The following DPY19L3 variants were observed in gnomAD, a reference collection of about 807,000 sequenced individuals.
The protein encoded by DPY19L3 is dpy-19 like C-mannosyltransferase 3, also known as protein C-mannosyl-transferase DPY19L3.
A neutral mutation model predicts 92.3 loss-of-function variants in DPY19L3; 51 were observed. That is an observed-to-expected ratio of 0.55 (90% CI 0.44 to 0.70). DPY19L3 has a LOEUF of 0.70. Ranked by LOEUF, DPY19L3 falls within the 30% of genes least tolerant of loss-of-function variation. The pLI is 0.00. For synonymous variants in DPY19L3, 309 were observed against 315.2 expected (o/e 0.98, Z 0.21); for missense variants, 706 against 855.9 (o/e 0.82, Z 2.18).
chr19:32,478,739 A>AT lies in DPY19L3; in HGVS notation c.1830+1090dup, dbSNP rs568506048. Among the ~76,000 whole-genome samples, 11 of 152,258 alleles carry AT rather than the reference A, an allele frequency of 7.2e-5. No homozygotes were observed. In the South Asian group the frequency reaches 2.3e-3, roughly 32 times the overall value. On this transcript the variant is annotated intron_variant, in intron 17 of 18. Coordinates refer to ENST00000392250, the MANE Select transcript of DPY19L3 (RefSeq NM_001172774.2). ...TCAGTATATTAACAGCTTCCTTCCTATTTTTAAAGCTGCTTAATATTTTAC... is the reference window on the plus strand; with the variant it reads ...TCAGTATATTAACAGCTTCCTTCCTATTTTTTAAAGCTGCTTAATATTTTAC...
chr19:32,465,755 C>G (rs1342070561), intron 15 of DPY19L3, among the ~76,000 whole-genome samples: 1 of 152,128 alleles, frequency 6.6e-6, no homozygotes, highest in Non-Finnish European at 1.5e-5. Flanking sequence ...AAAATGTGTT[C>G]TGTTATGAGC....
At chr19:32,408,036 G>GA (rs1968039253) in intron 1 of DPY19L3, among the ~76,000 whole-genome samples, 181 bp from the exon 2 acceptor site, 1 of 152,038 alleles carries the variant, frequency 6.6e-6, no homozygotes, top group South Asian at 2.1e-4. Flanking sequence ...AGTGAGCCGT[G>GA]ATGGTGCCGC....
Position 32,455,029 on chromosome 19 carries a change from A to G in DPY19L3, c.1078A>G (p.Asn360Asp). The G allele has an allele frequency of 6.5e-7, 1 of 1,532,316 alleles. No individual in the cohort carries two copies. Among genetic ancestry groups the G allele is most frequent in the Non-Finnish European group, 8.8e-7 (1 of 1,135,510 alleles). 94.9% of individuals were successfully genotyped at this position (1,532,316 alleles called of 1,614,324 possible). The change falls in exon 10 of 19, where the codon AAC becomes GAC. Residue 360 changes from asparagine (N) to aspartate (D), a missense_variant. Asn to Asp is a conservative substitution (Grantham distance 23). Transcript: ENST00000392250. ...MVLCLTLFLN[N>D]IIKKILNLKS... ...TTTATGTTTGACACTTTTTCTCAAC[A>G]ACATAATTAAGGTAAGTTAATAAAA...
chr19:32,408,963 C>T (rs979803661), intron 2 of DPY19L3, among the ~76,000 whole-genome samples: 4 of 152,144 alleles, frequency 2.6e-5, no homozygotes, highest in African/African-American at 9.7e-5. Context: ...TAAAAGTTAA[C>T]ATGAAAATCT....
chr19:32,467,709 G>C (rs939697003), intron 15 of DPY19L3: 101 of 987,236 alleles, frequency 1.0e-4, no homozygotes, highest in Non-Finnish European at 1.2e-4. Context: ...ATTGTCATTG[G>C]TCTTCTATGC....
At chr19:32,479,041 G>A (rs1970595699) in intron 17 of DPY19L3, among the ~76,000 whole-genome samples, 1 of 152,074 alleles carries the variant, frequency 6.6e-6, no homozygotes, top group Non-Finnish European at 1.5e-5. Context: ...ATCCTCACCA[G>A]TCAGGTTTCA....
chr19:32,448,459 A>G (rs921023750), intron 8 of DPY19L3, among the ~76,000 whole-genome samples: 1 of 152,182 alleles, frequency 6.6e-6, no homozygotes, highest in Non-Finnish European at 1.5e-5. Flanking sequence ...CAAAAACTCA[A>G]TCGCTAGTAG....
At chr19:32,422,956 G>A (rs961922181) in intron 3 of DPY19L3, among the ~76,000 whole-genome samples, 2 of 152,142 alleles carry the variant, frequency 1.3e-5, no homozygotes, top group African/African-American at 4.8e-5. Context: ...GTAAAAGAAA[G>A]TGATTTACAC....
At chr19:32,460,880 T>C (rs1970019046) in intron 12 of DPY19L3, among the ~76,000 whole-genome samples, 1 of 148,688 alleles carries the variant, frequency 6.7e-6, no homozygotes, top group Non-Finnish European at 1.5e-5. Context: ...TTGTTTTGTT[T>C]TGTTTTGAAA....
At chr19:32,463,224 C>A in intron 12 of DPY19L3, 142 bp from the exon 13 acceptor site, 1 of 888,704 alleles carries the variant, frequency 1.1e-6, no homozygotes, top group Non-Finnish European at 1.7e-6. Context: ...CAAAATTGAT[C>A]AATGCGAATT....
At chr19:32,430,431 C>T (rs1315127694) in intron 3 of DPY19L3, among the ~76,000 whole-genome samples, 1 of 151,836 alleles carries the variant, frequency 6.6e-6, no homozygotes, top group Non-Finnish European at 1.5e-5. Context: ...TTTTTAAATG[C>T]TTGATTTCCC....
At chr19:32,407,264 T>TCCCCCCCCCCCCCCCTCCC (rs148363125) in intron 1 of DPY19L3, among the ~76,000 whole-genome samples, 2 of 81,304 alleles carry the variant, frequency 2.5e-5, no homozygotes, top group Non-Finnish European at 4.9e-5. Flanking sequence ...AGGCTCCTGC[T>TCCCCCCCCCCCCCCCTCCC]CCCCCCCACC....
chr19:32,439,742 A>G, intron 7 of DPY19L3, 34 bp from the exon 8 acceptor site: 1 of 1,603,124 alleles, frequency 6.2e-7, no homozygotes, highest in Non-Finnish European at 8.5e-7. Flanking sequence ...ATTACTAGAG[A>G]CATGTAAATT....
At chr19:32,430,657 A>G (rs1195852547) in intron 3 of DPY19L3, among the ~76,000 whole-genome samples, 2 of 151,994 alleles carry the variant, frequency 1.3e-5, no homozygotes, top group South Asian at 2.1e-4. Flanking sequence ...GTCTCGCTCT[A>G]TCATCCAGGC....
chr19:32,469,275 TC>T (rs1970284653), intron 16 of DPY19L3, among the ~76,000 whole-genome samples: 1 of 152,292 alleles, frequency 6.6e-6, no homozygotes, highest in East Asian at 1.9e-4. Flanking sequence ...GGTGGGCTGA[TC>T]ACCCGAGGTC....
At chr19:32,434,382 C>T (rs1471160952) in intron 4 of DPY19L3, among the ~76,000 whole-genome samples, 3 of 152,106 alleles carry the variant, frequency 2.0e-5, no homozygotes, top group Admixed American at 6.5e-5. Flanking sequence ...TGAGCCTGGG[C>T]GCAGTGGCTC....
chr19:32,440,054 A>C, intron 8 of DPY19L3, 144 bp downstream of exon 8: 1 of 1,047,348 alleles, frequency 9.5e-7, no homozygotes, highest in Admixed American at 2.8e-5. Context: ...GGCCAATTGA[A>C]GCTGAGTAAT....
rs894466740 is a variant in DPY19L3 at position 32,411,154 on chromosome 19, A to G, written c.104-85A>G. 4 of 1,417,800 alleles carry G rather than the reference A, an allele frequency of 2.8e-6. No individual in the cohort carries two copies. In the African/African-American group the frequency reaches 5.7e-5, roughly 20 times the overall value. 87.8% of individuals were successfully genotyped at this position (1,417,800 alleles called of 1,614,324 possible). A position where few individuals can be genotyped will look rare whatever the true frequency, so the allele number is the denominator to read the frequency against. ...TTCCCAGTGACAGGCAGCTAGACTT[A>G]GCTTACTTGATAATCTGAAGTAGAA... On this transcript the variant is annotated intron_variant, in intron 2 of 18. Transcript: ENST00000392250.
At chr19:32,406,913 G>T (rs1967975754) in intron 1 of DPY19L3, among the ~76,000 whole-genome samples, 1 of 151,970 alleles carries the variant, frequency 6.6e-6, no homozygotes, top group Admixed American at 6.6e-5. Flanking sequence ...GTGGCTGTAG[G>T]ACTTTGTTAA....
Sources: allele counts gnomAD v4.1 joint callset (sites outside exome capture counted in the v4.1 genomes callset), GRCh38; gene constraint gnomAD v4.1.1; transcripts MANE v1.5; gene names NCBI Gene and HGNC (gene_info 2026-07-23, HGNC 2026-07-21).